Variants in USH2A observed in about 807,000 individuals in gnomAD.
USH2A encodes the protein usherin, also known as Usher syndrome 2A (autosomal recessive, mild).
A neutral mutation model predicts 538.9 loss-of-function variants in USH2A; 443 were observed. That is an observed-to-expected ratio of 0.82 (90% CI 0.76 to 0.89). The LOEUF (loss-of-function observed/expected upper bound fraction) is 0.89, where lower values mean the gene tolerates loss of function less well. Ranked by LOEUF, USH2A falls within the 40% of genes least tolerant of loss-of-function variation. USH2A has a pLI of 0.00. For missense variants in USH2A, 6,633 were observed against 6,324.8 expected (o/e 1.05, Z -1.65); for synonymous variants, 2,413 against 2,273.5 (o/e 1.06, Z -1.75).
chr1:215,815,118 A>AT (rs5780855), intron 48 of USH2A, among the ~76,000 whole-genome samples: 56,974 of 150,774 alleles, frequency 0.38, 11,291 homozygotes, highest in Admixed American at 0.52. Context: ...GAACTTTACA[A>AT]TTTTTTTTTT....
chr1:215,842,682 ATT>A (rs57160313), intron 46 of USH2A, among the ~76,000 whole-genome samples: 101,347 of 151,700 alleles, frequency 0.67, 34,530 homozygotes, highest in African/African-American at 0.79. Flanking sequence ...GCTGGAAGCC[ATT>A]TTATCCTCAG....
At position 216,210,601 on chromosome 1, in the gene USH2A, G is replaced by C. The variant is rs118148759; in HGVS notation, c.3158-3170C>G. Among the ~76,000 whole-genome samples, 4 of 152,112 alleles carry C rather than the reference G, an allele frequency of 2.6e-5. No individual in the cohort carries two copies. In the East Asian group the frequency reaches 7.8e-4, roughly 30 times the overall value. ...TTTTGTTTTAAGTTTTCATTTCTGC[G>C]TTCATCCTCCTTCATTCAGTCTTGT... On this transcript the variant is annotated intron_variant, in intron 15 of 71. Transcript: ENST00000307340.
chr1:216,085,930 C>T (rs1444461229), intron 24 of USH2A, among the ~76,000 whole-genome samples: 1 of 152,052 alleles, frequency 6.6e-6, no homozygotes, highest in Non-Finnish European at 1.5e-5. Context: ...GACTGCAACC[C>T]ATGAACAAAT....
At chr1:216,013,210 G>T (rs1360427496) in intron 32 of USH2A, among the ~76,000 whole-genome samples, 2 of 151,188 alleles carry the variant, frequency 1.3e-5, no homozygotes, top group Non-Finnish European at 2.9e-5. Flanking sequence ...ACTGTATCCA[G>T]GCCATCACCA....
chr1:216,024,376 T>C (rs1210891818), intron 32 of USH2A, among the ~76,000 whole-genome samples: 2 of 152,060 alleles, frequency 1.3e-5, no homozygotes, highest in East Asian at 1.9e-4. Context: ...ATAAAACAAG[T>C]GGCCATACCA....
chr1:215,970,111 C>T (rs865820854), intron 36 of USH2A, among the ~76,000 whole-genome samples: 1 of 152,068 alleles, frequency 6.6e-6, no homozygotes, highest in Non-Finnish European at 1.5e-5. Context: ...ATATCAAAAG[C>T]TGATATTGAT....
chr1:215,856,442 G>C (rs1007849989), intron 44 of USH2A, among the ~76,000 whole-genome samples: 7 of 152,048 alleles, frequency 4.6e-5, no homozygotes, highest in Non-Finnish European at 4.4e-5. Context: ...AAAAACATAT[G>C]AAAAATACTC....
At chr1:215,737,550 A>G (rs939648446) in intron 60 of USH2A, among the ~76,000 whole-genome samples, 3 of 151,768 alleles carry the variant, frequency 2.0e-5, no homozygotes, top group African/African-American at 7.2e-5. Context: ...TTCTTTGTTT[A>G]TTTAGCCTGT....
chr1:215,660,280 T>G (rs1384432299), intron 64 of USH2A, among the ~76,000 whole-genome samples: 1 of 152,246 alleles, frequency 6.6e-6, no homozygotes, highest in East Asian at 1.9e-4. Context: ...GAGATTAAAT[T>G]AGTTAATATA....
Position 216,257,612 on chromosome 1 carries a change from T to C in USH2A, c.1972-6514A>G, listed in dbSNP as rs1053069889. 8.6e-5 allele frequency among the ~76,000 whole-genome samples: 13 copies of C among 151,984 alleles called. 1 individual carries two copies. Among genetic ancestry groups the C allele is most frequent in the African/African-American group, 3.1e-4 (13 of 41,448 alleles). On this transcript the variant is annotated intron_variant, in intron 11 of 71. Coordinates refer to ENST00000307340, the MANE Select transcript of USH2A (RefSeq NM_206933.4). ...TACTGTACTTGGAATTTTTCAGCCA[T>C]AAATTATTTGAATATTTTTTATATT...
At chr1:216,260,084 G>A (rs2036338540) in intron 11 of USH2A, among the ~76,000 whole-genome samples, 1 of 151,932 alleles carries the variant, frequency 6.6e-6, no homozygotes, top group Non-Finnish European at 1.5e-5. Flanking sequence ...TTCAGATCAA[G>A]CATGTGCCTT....
chr1:216,292,558 T>A (rs2037023204), intron 9 of USH2A, among the ~76,000 whole-genome samples, 188 bp from the exon 10 acceptor site: 1 of 152,206 alleles, frequency 6.6e-6, no homozygotes, highest in African/African-American at 2.4e-5. Context: ...GGTGGAATTG[T>A]AAAAGTGACC....
chr1:216,231,855 A>G (rs1206243672), intron 14 of USH2A, 98 bp downstream of exon 14: 13 of 1,515,740 alleles, frequency 8.6e-6, no homozygotes, highest in Non-Finnish European at 1.1e-5. Context: ...GCCGGGCAAA[A>G]AAAATACTTT....
At chr1:216,224,075 T>C (rs918490680) in intron 14 of USH2A, among the ~76,000 whole-genome samples, 7 of 152,154 alleles carry the variant, frequency 4.6e-5, no homozygotes, top group Non-Finnish European at 7.4e-5. Context: ...GGACAAATAG[T>C]GATACCACTA....
chr1:216,003,424 A>G (rs1404301514), intron 32 of USH2A, among the ~76,000 whole-genome samples: 1 of 152,158 alleles, frequency 6.6e-6, no homozygotes, highest in Non-Finnish European at 1.5e-5. Context: ...GAACAGAGGA[A>G]GGAGAATTAG....
intron 37 of USH2A, among the ~76,000 whole-genome samples, chr1:215,943,469 A>G (rs965422079): frequency 6.6e-6 from 1 of 152,180 alleles, no homozygotes; most frequent in Non-Finnish European, 1.5e-5. Context: ...ACAATCAGGG[A>G]GAAGATAATA....
chr1:216,323,546 T>C lies in USH2A; in HGVS notation c.1478A>G (p.Tyr493Cys), dbSNP rs756570931. 10 of 1,613,464 alleles carry C rather than the reference T, an allele frequency of 6.2e-6. No individual in the cohort carries two copies. The highest frequency in any genetic ancestry group is 1.6e-4 in the Middle Eastern group (1 of 6,076). ...TQIRFHFHGQYYTTETAVNLR... is the reference protein window; with the variant it reads ...TQIRFHFHGQCYTTETAVNLR... ...GTTAACAGCAGTCTCAGTTGTATAG[T>C]ACTGCCCATGAAAATGAAACCTTAT... The change falls in exon 8 of 72, where the codon TAC (tyrosine) becomes TGC (cysteine). Residue 493 changes from tyrosine (Y) to cysteine (C), a missense_variant. Physicochemically the swap from Tyr to Cys is radical, Grantham distance 194. Coordinates refer to ENST00000307340, the MANE Select transcript of USH2A (RefSeq NM_206933.4).
chr1:215,752,696 G>A (rs889540927), intron 58 of USH2A, among the ~76,000 whole-genome samples: 1 of 152,052 alleles, frequency 6.6e-6, no homozygotes, highest in African/African-American at 2.4e-5. Flanking sequence ...TAATTCTTCT[G>A]GTTTTGATGC....
At position 215,627,421 on chromosome 1, in the gene USH2A, C is replaced by CTTCCTTCTTTCCTTCCTTCT. The variant is rs1200482546; in HGVS notation, c.15519+1392_15519+1393insAGAAGGAAGGAAAGAAGGAA. Reference sequence around the variant, plus strand: ...CCTTCCTTCCTTCCTTCCTTCCTTCCTTCCTTCCTTCCTTCCTTCCTTCCT... The same window carrying CTTCCTTCTTTCCTTCCTTCT: ...CCTTCCTTCCTTCCTTCCTTCCTTCCTTCCTTCTTTCCTTCCTTCTTTCCTTCCTTCCTTCCTTCCTTCCT... On this transcript the variant is annotated intron_variant, in intron 71 of 71. Transcript: ENST00000307340. Among the ~76,000 whole-genome samples, 132 of 116,616 alleles carry CTTCCTTCTTTCCTTCCTTCT rather than the reference C, an allele frequency of 1.1e-3. 1 individual carries two copies. The highest frequency in any genetic ancestry group is 8.5e-3 in the Middle Eastern group (2 of 234). 76.5% of individuals were successfully genotyped at this position (116,616 alleles called of 152,430 possible).
Sources: allele counts gnomAD v4.1 joint callset (sites outside exome capture counted in the v4.1 genomes callset), GRCh38; gene constraint gnomAD v4.1.1; transcripts MANE v1.5; gene names NCBI Gene and HGNC (gene_info 2026-07-23, HGNC 2026-07-21).